The following SNTG1 variants were observed in gnomAD, a reference collection of about 807,000 sequenced individuals.
SNTG1 encodes syntrophin gamma 1.
A neutral mutation model predicts 74.7 loss-of-function variants in SNTG1; 39 were observed. The observed-to-expected ratio is 0.52, with a 90% CI of 0.40 to 0.68. The LOEUF (loss-of-function observed/expected upper bound fraction) is 0.68, where lower values mean the gene tolerates loss of function less well. Ranked by LOEUF, SNTG1 falls within the 30% of genes least tolerant of loss-of-function variation. SNTG1 has a pLI of 0.00. For synonymous variants in SNTG1, 254 were observed against 217.1 expected, an observed-to-expected ratio of 1.17 and a Z score of -1.49; for missense variants, 685 against 609.5, an observed-to-expected ratio of 1.12 and a Z score of -1.30.
At chr8:49,937,103 A>G (rs1405853418) in intron 1 of SNTG1, among the ~76,000 whole-genome samples, 1 of 152,156 alleles carries the variant, frequency 6.6e-6, no homozygotes, top group African/African-American at 2.4e-5. Context: ...GAGCCAAGAT[A>G]GCGCCACTGC....
rs187060266 is a variant in SNTG1 at position 49,959,210 on chromosome 8, G to A, written c.-103+46979G>A. 7.2e-5 allele frequency among the ~76,000 whole-genome samples: 11 copies of A among 152,346 alleles called. No homozygotes were observed. The East Asian group carries it at 1.9e-3, about 27-fold the overall frequency. On this transcript the variant is annotated intron_variant, in intron 1 of 18. Transcript: ENST00000642720. ...TCAGAGGAAAATGTACGGGTGCCAA[G>A]GGCTTTCTCCTCCCTCCTTGCTGTC...
intron 4 of SNTG1, among the ~76,000 whole-genome samples, chr8:50,426,229 A>G (rs552420396): frequency 6.6e-6 from 1 of 152,096 alleles, no homozygotes; most frequent in African/African-American, 2.4e-5. Context: ...TAGTCCTCAG[A>G]TCTCCTCAGG....
chr8:50,494,140 C>CAT (rs996835781), intron 8 of SNTG1, among the ~76,000 whole-genome samples: 11 of 150,380 alleles, frequency 7.3e-5, no homozygotes, highest in South Asian at 6.3e-4. Flanking sequence ...CACACACACA[C>CAT]ATATATATAT....
rs576592043 is a variant in SNTG1, at chr8:50,056,652, C to T, written c.-102-115909C>T. Among the ~76,000 whole-genome samples the T allele has an allele frequency of 3.9e-5, 6 of 152,268 alleles. No homozygotes were observed. In the South Asian group the frequency reaches 6.2e-4, roughly 16 times the overall value. On this transcript the variant is annotated intron_variant, in intron 1 of 18. Transcript: ENST00000642720. ...ATCATTAGTAAAGTAAGAAAGATGA[C>T]GACATTTCCTTCCTGTGGTGCCGTG... is the stretch of plus-strand genomic sequence containing the variant.
intron 4 of SNTG1, among the ~76,000 whole-genome samples, chr8:50,436,219 A>G (rs1313598745): frequency 2.0e-5 from 3 of 152,150 alleles, no homozygotes; most frequent in Non-Finnish European, 4.4e-5. Flanking sequence ...TCACATATTT[A>G]CTTTTTACAG....
chr8:50,258,079 G>A (rs972740245), intron 2 of SNTG1, among the ~76,000 whole-genome samples: 6 of 152,180 alleles, frequency 3.9e-5, no homozygotes, highest in African/African-American at 1.2e-4. Flanking sequence ...AACAGACTTC[G>A]CTGAACAAAT....
intron 9 of SNTG1, among the ~76,000 whole-genome samples, chr8:50,522,498 T>G (rs978956094): frequency 6.6e-5 from 10 of 151,800 alleles, no homozygotes; most frequent in Non-Finnish European, 1.2e-4. Context: ...TAAATAAAAA[T>G]GGAATTCAAC....
At chr8:49,928,445 G>T (rs1368496082) in intron 1 of SNTG1, among the ~76,000 whole-genome samples, 1 of 151,932 alleles carries the variant, frequency 6.6e-6, no homozygotes, top group East Asian at 1.9e-4. Context: ...TGGCCAGGCT[G>T]CTCTCGAACT....
intron 2 of SNTG1, among the ~76,000 whole-genome samples, chr8:50,174,634 CAT>C (rs2082928564): frequency 6.6e-6 from 1 of 152,102 alleles, no homozygotes; most frequent in South Asian, 2.1e-4. Flanking sequence ...GACCTTTTTT[CAT>C]AGTTAAATAT....
chr8:50,776,197 T>C (rs2095640275), intron 18 of SNTG1, among the ~76,000 whole-genome samples: 1 of 150,842 alleles, frequency 6.6e-6, no homozygotes, highest in Non-Finnish European at 1.5e-5. Flanking sequence ...TTGTAACTTT[T>C]TTGAATATAT....
intron 2 of SNTG1, among the ~76,000 whole-genome samples, chr8:50,299,851 A>C (rs2089566086): frequency 6.6e-6 from 1 of 152,094 alleles, no homozygotes; most frequent in Non-Finnish European, 1.5e-5. Context: ...TTACGTCTAC[A>C]ACCAACTTGC....
intron 13 of SNTG1, among the ~76,000 whole-genome samples, chr8:50,647,160 T>G (rs146701402): frequency 3.9e-5 from 6 of 152,260 alleles, no homozygotes; most frequent in African/African-American, 1.4e-4. Context: ...TGGTGATGAC[T>G]TCTCAGATAC....
At chr8:50,058,127 T>A (rs940095221) in intron 1 of SNTG1, among the ~76,000 whole-genome samples, 1 of 152,102 alleles carries the variant, frequency 6.6e-6, no homozygotes, top group African/African-American at 2.4e-5. Context: ...AAAGCCACTT[T>A]TTAAAATTTG....
intron 2 of SNTG1, among the ~76,000 whole-genome samples, chr8:50,392,980 T>C (rs894666926): frequency 3.3e-5 from 5 of 152,140 alleles, no homozygotes; most frequent in Non-Finnish European, 5.9e-5. Flanking sequence ...TCAATACATA[T>C]CAAAATTTTC....
chr8:50,709,221 G>A, intron 17 of SNTG1: 1 of 462,480 alleles, frequency 2.2e-6, no homozygotes, highest in Non-Finnish European at 3.8e-6. Context: ...GTCTATCTAT[G>A]TATGTATCTA....
At chr8:50,088,116 A>AT (rs1302473713) in intron 1 of SNTG1, among the ~76,000 whole-genome samples, 1 of 150,370 alleles carries the variant, frequency 6.7e-6, no homozygotes, top group Non-Finnish European at 1.5e-5. Flanking sequence ...CGAACTCATC[A>AT]TTTTTTATGG....
At chr8:50,181,533 T>C (rs1048779288) in intron 2 of SNTG1, among the ~76,000 whole-genome samples, 2 of 152,194 alleles carry the variant, frequency 1.3e-5, no homozygotes, top group Non-Finnish European at 2.9e-5. Flanking sequence ...TCTCATTTTA[T>C]AAATTTAATT....
chr8:50,755,265 A>C (rs538723869), intron 18 of SNTG1, among the ~76,000 whole-genome samples: 1 of 150,720 alleles, frequency 6.6e-6, no homozygotes, highest in African/African-American at 2.4e-5. Context: ...ATTCACCCCT[A>C]TCTTCCCCCC....
chr8:50,555,494 G>C (rs763368691), intron 12 of SNTG1, among the ~76,000 whole-genome samples: 8 of 152,192 alleles, frequency 5.3e-5, no homozygotes, highest in Admixed American at 6.5e-5. Context: ...GGCAGAAAGA[G>C]TAGCTAGGAA....
Sources: allele counts gnomAD v4.1 joint callset (sites outside exome capture counted in the v4.1 genomes callset), GRCh38; gene constraint gnomAD v4.1.1; transcripts MANE v1.5; gene names NCBI Gene and HGNC (gene_info 2026-07-23, HGNC 2026-07-21).